The following HMG20A variants were observed in gnomAD, a reference collection of about 807,000 sequenced individuals.
HMG20A encodes the protein high mobility group protein 20A.
A neutral mutation model predicts 43.9 loss-of-function variants in HMG20A; 17 were observed. The observed-to-expected ratio is 0.39, with a 90% confidence interval of 0.27 to 0.58. HMG20A has a LOEUF of 0.58. Ranked by LOEUF, HMG20A falls within the 20% of genes least tolerant of loss-of-function variation. The pLI, the probability that HMG20A is intolerant of heterozygous loss-of-function variation, is 0.59. For synonymous variants in HMG20A, 132 were observed against 147.5 expected (o/e 0.89, Z 0.76); for missense variants, 341 against 438.2 (o/e 0.78, Z 1.98).
chr15:77,498,810 C>T, the HMG20A span, among the ~76,000 whole-genome samples: 2 of 152,250 alleles, frequency 1.3e-5, no homozygotes, highest in Non-Finnish European at 2.9e-5. Flanking sequence ...ACTTCAGCAT[C>T]ACCTCGGAAG....
downstream of HMG20A, among the ~76,000 whole-genome samples, chr15:77,486,774 C>G (rs766337964): frequency 1.3e-5 from 2 of 152,098 alleles, no homozygotes; most frequent in Non-Finnish European, 2.9e-5. Flanking sequence ...CAATCCTGTA[C>G]TATTGTAAGA....
chr15:77,451,958 A>G (rs927228676), intron 1 of HMG20A, among the ~76,000 whole-genome samples: 4 of 152,258 alleles, frequency 2.6e-5, no homozygotes, highest in East Asian at 3.8e-4. Context: ...CACTGACTCT[A>G]TTGTTTGAAG....
intron 1 of HMG20A, among the ~76,000 whole-genome samples, chr15:77,433,892 A>G (rs1281345886): frequency 6.6e-6 from 1 of 152,224 alleles, no homozygotes; most frequent in African/African-American, 2.4e-5. Context: ...AGGGACTTAC[A>G]AGTTGATTCT....
At chr15:77,517,172 T>C in the HMG20A span, among the ~76,000 whole-genome samples, 2 of 152,200 alleles carry the variant, frequency 1.3e-5, no homozygotes, top group Non-Finnish European at 2.9e-5. Flanking sequence ...TCACTTAGCC[T>C]ACTCCCATCC....
rs1369674802 is a variant in HMG20A, at chr15:77,467,155, A to G, written c.298A>G (p.Ser100Gly). The change falls in exon 4 of 10, where the codon AGC becomes GGC. Residue 100 changes from serine to glycine, a missense_variant. Around this residue, in one of 3 missense-constraint regions of HMG20A, gnomAD observed 220 missense variants for 263.6 expected, o/e 0.83. Transcript: ENST00000336216. ...AAAGAGGAAGAAACCTCTTCGAGAC[A>G]GCAATGCACCCAAATCCCCCCTTAC... is the stretch of plus-strand genomic sequence containing the variant. ...GRKRKKPLRDSNAPKSPLTGY... is the reference protein window; with the variant it reads ...GRKRKKPLRDGNAPKSPLTGY... 2 of 1,614,174 alleles carry G rather than the reference A, an allele frequency of 1.2e-6. No homozygotes were observed. Among genetic ancestry groups the G allele is most frequent in the East Asian group, 2.2e-5 (1 of 44,882 alleles).
Position 77,485,285 on chromosome 15 carries a change from C to T in HMG20A, c.*2322C>T, listed in dbSNP as rs532775913. 1.3e-5 allele frequency: 2 copies of T among 152,728 alleles called. No individual in the cohort carries two copies. The highest frequency in any genetic ancestry group is 1.9e-4 in the East Asian group (1 of 5,182). 9.5% of individuals were successfully genotyped at this position (152,728 alleles called of 1,614,324 possible). A position where few individuals can be genotyped will look rare whatever the true frequency, so the allele number is the denominator to read the frequency against. On this transcript the variant is annotated 3_prime_UTR_variant, in exon 10 of 10. Coordinates refer to ENST00000336216, the MANE Select transcript of HMG20A (RefSeq NM_001304504.2). ...AATGAAGTTACAGGCTAGCACAATACCTAACTCATGTTTCCCAGTACACCT... is the reference window on the plus strand; with the variant it reads ...AATGAAGTTACAGGCTAGCACAATATCTAACTCATGTTTCCCAGTACACCT...
intron 1 of HMG20A, among the ~76,000 whole-genome samples, chr15:77,443,645 G>A (rs865852443): frequency 6.6e-5 from 10 of 151,562 alleles, no homozygotes; most frequent in Non-Finnish European, 1.2e-4. Context: ...ACCCATCTCT[G>A]CTTCCCAATA....
intron 3 of HMG20A, among the ~76,000 whole-genome samples, chr15:77,466,182 AC>A (rs1305667636): frequency 6.6e-6 from 1 of 152,216 alleles, no homozygotes; most frequent in Non-Finnish European, 1.5e-5. Flanking sequence ...GGAGTTCGAG[AC>A]CAGCCTGATC....
At position 77,426,728 on chromosome 15, in the gene HMG20A, G is replaced by C. The variant is rs181214354; in HGVS notation, c.-5+5724G>C. Among the ~76,000 whole-genome samples the C allele has an allele frequency of 9.9e-5, 15 of 152,234 alleles. No homozygotes were observed. In the East Asian group the frequency reaches 2.9e-3, roughly 29 times the overall value. On this transcript the variant is annotated intron_variant, in intron 1 of 9. Transcript: ENST00000336216. ...TGGTATGTGAATTATATCTAAAAGA[G>C]AGAGATACTTAGACTTGAAGAATAG... is the stretch of plus-strand genomic sequence containing the variant.
chr15:77,459,801 G>A (rs1325820118), intron 2 of HMG20A, among the ~76,000 whole-genome samples: 1 of 152,158 alleles, frequency 6.6e-6, no homozygotes, highest in Non-Finnish European at 1.5e-5. Flanking sequence ...GAGAGCTGAT[G>A]AAAATGCAGA....
the HMG20A span, among the ~76,000 whole-genome samples, chr15:77,512,370 A>C: frequency 3.2e-4 from 49 of 152,272 alleles, no homozygotes; most frequent in African/African-American, 1.1e-3. Context: ...ATGCCATTGA[A>C]TGGTACACTA....
intron 1 of HMG20A, among the ~76,000 whole-genome samples, chr15:77,432,248 G>A (rs1261341940): frequency 6.6e-6 from 1 of 152,122 alleles, no homozygotes; most frequent in South Asian, 2.1e-4. Context: ...GAAAATACAT[G>A]TGAATCAGTT....
chr15:77,458,304 C>T (rs1249766485), intron 1 of HMG20A, 100 bp from the exon 2 acceptor site: 5 of 718,104 alleles, frequency 7.0e-6, no homozygotes, highest in Non-Finnish European at 1.2e-5. Context: ...TATTCTGTTG[C>T]TTATATGATA....
intron 3 of HMG20A, among the ~76,000 whole-genome samples, chr15:77,465,260 C>CAAAAAAAAAAAAAAA (rs71145837): frequency 5.1e-5 from 3 of 59,186 alleles, no homozygotes; most frequent in Non-Finnish European, 8.0e-5. Flanking sequence ...GACTTCGTCT[C>CAAAAAAAAAAAAAAA]AAAAAAAAAA....
chr15:77,456,883 T>G (rs1332766782), intron 1 of HMG20A, among the ~76,000 whole-genome samples: 1 of 152,186 alleles, frequency 6.6e-6, no homozygotes, highest in Non-Finnish European at 1.5e-5. Context: ...GTAAAACATG[T>G]GGAATGGAAT....
chr15:77,438,291 T>A (rs1176144527), intron 1 of HMG20A, among the ~76,000 whole-genome samples: 2 of 151,786 alleles, frequency 1.3e-5, no homozygotes, highest in African/African-American at 4.8e-5. Context: ...ACTGCAATTT[T>A]AAAAAAATAC....
Position 77,464,317 on chromosome 15 carries a change from C to T in HMG20A, c.167C>T (p.Ser56Phe), listed in dbSNP as rs2072734915. The T allele has an allele frequency of 1.2e-6, 2 of 1,613,754 alleles. No homozygotes were observed. The highest frequency in any genetic ancestry group is 1.7e-6 in the Non-Finnish European group (2 of 1,179,866). The part of the protein sequence containing the change: ...TNNPEFVEDL[S>F]QGQLLQSESS... ...AATCCAGAATTTGTGGAGGATCTCTCTCAAGGTCAGTTGCTTCAGAGTGAG... is the reference window on the plus strand; with the variant it reads ...AATCCAGAATTTGTGGAGGATCTCTTTCAAGGTCAGTTGCTTCAGAGTGAG... The change falls in exon 3 of 10, where the codon TCT (serine) becomes TTT (phenylalanine). Residue 56 changes from serine to phenylalanine, a missense_variant. Around this residue, in one of 3 missense-constraint regions of HMG20A, gnomAD observed 220 missense variants for 263.6 expected, o/e 0.83. Transcript: ENST00000336216.
At chr15:77,492,794 G>A in the HMG20A span, among the ~76,000 whole-genome samples, 1 of 151,970 alleles carries the variant, frequency 6.6e-6, no homozygotes, top group Non-Finnish European at 1.5e-5. Flanking sequence ...TTGGGTGACA[G>A]AGCAAGACTC....
chr15:77,462,226 A>T (rs988749124), intron 2 of HMG20A, among the ~76,000 whole-genome samples: 2 of 152,132 alleles, frequency 1.3e-5, no homozygotes, highest in Non-Finnish European at 2.9e-5. Flanking sequence ...GGCCTATCTT[A>T]TTTAACATCT....
Sources: gnomAD v4.1 joint callset for allele counts (sites outside exome capture counted in the v4.1 genomes callset) on GRCh38, gnomAD v4.1.1 for gene constraint, gnomAD v4.1.1 regional missense constraint, MANE v1.5 for transcripts, NCBI Gene and HGNC (gene_info 2026-07-23, HGNC 2026-07-21) for gene names.